The following UGT2B28 variants were observed in gnomAD, a reference collection of about 807,000 sequenced individuals.
The protein encoded by UGT2B28 is UDP glucuronosyltransferase family 2 member B28.
Under a neutral mutation model 43.6 loss-of-function variants are expected in UGT2B28, and 45 were observed. That is an observed-to-expected ratio of 1.03 (90% CI 0.81 to 1.32). The LOEUF is 1.32. Among genes scored for constraint, UGT2B28 ranks in the 40% most tolerant of loss-of-function variants. UGT2B28 has a pLI of 0.00. For synonymous variants in UGT2B28, 204 were observed against 208.1 expected (o/e 0.98, Z 0.17); for missense variants, 649 against 625.5 (o/e 1.04, Z -0.40).
At chr4:69,289,828 G>T in intron 4 of UGT2B28, 76 bp downstream of exon 4, 2 of 1,339,222 alleles carry the variant, frequency 1.5e-6, no homozygotes, top group Non-Finnish European at 2.0e-6. Context: ...CTTGAAACAT[G>T]CTTATTGAAT....
At chr4:69,289,577 G>T in intron 3 of UGT2B28, 88 bp from the exon 4 acceptor site, 1 of 1,196,404 alleles carries the variant, frequency 8.4e-7, no homozygotes, top group South Asian at 1.7e-5. Context: ...AACATCCCTT[G>T]ATCTCATTCC....
intron 5 of UGT2B28, among the ~76,000 whole-genome samples, chr4:69,291,741 G>GTCT: frequency 7.2e-6 from 1 of 138,924 alleles, no homozygotes; most frequent in Admixed American, 7.2e-5. Flanking sequence ...GGTTGATGCA[G>GTCT]AAGTGGAATT....
At chr4:69,282,802 A>G in intron 2 of UGT2B28, 140 bp downstream of exon 2, 3 of 1,265,754 alleles carry the variant, frequency 2.4e-6, no homozygotes, top group East Asian at 5.3e-5. Context: ...CCAAATAGAA[A>G]CTCATGTATA....
intron 5 of UGT2B28, 99 bp from the exon 6 acceptor site, chr4:69,294,431 C>T: frequency 8.5e-7 from 1 of 1,181,790 alleles, no homozygotes; most frequent in South Asian, 2.7e-5. Context: ...TTCAAATTTA[C>T]TTTGAATTAT....
Position 69,281,226 on chromosome 4 carries a change from G to C in UGT2B28, c.721+5G>C, listed in dbSNP as rs1291782033. On this transcript the variant is annotated splice_donor_5th_base_variant and intron_variant, in intron 1 of 5. Transcript: ENST00000335568. ...AGTTTTACAGTGAAGTTTTAGGTAA[G>C]AATTTGTTTAATCGGGAACTTGAAG... 7 of 1,489,014 alleles carry C rather than the reference G, an allele frequency of 4.7e-6. 2 individuals carry two copies. The South Asian group carries it at 1.0e-4, about 22-fold the overall frequency. 92.2% of individuals were successfully genotyped at this position (1,489,014 alleles called of 1,614,324 possible).
chr4:69,287,053 A>G lies in UGT2B28; in HGVS notation c.1002+170A>G, dbSNP rs903743684. On this transcript the variant is annotated intron_variant, in intron 3 of 5. Coordinates refer to ENST00000335568, the MANE Select transcript of UGT2B28 (RefSeq NM_053039.2). ...CAAGTCATAGTTGTGCCTCAGACTT[A>G]GTGGTTACATGTGGCCCTGGGGGTG... 2.9e-5 allele frequency among the ~76,000 whole-genome samples: 4 copies of G among 138,092 alleles called. 2 individuals are homozygous for G. Among genetic ancestry groups the G allele is most frequent in the African/African-American group, 1.1e-4 (4 of 35,064 alleles). 90.6% of individuals were successfully genotyped at this position (138,092 alleles called of 152,430 possible).
intron 4 of UGT2B28, 141 bp from the exon 5 acceptor site, chr4:69,290,451 T>C: frequency 8.9e-7 from 1 of 1,121,534 alleles, no homozygotes; most frequent in Non-Finnish European, 1.2e-6. Flanking sequence ...AACAAGTACG[T>C]GTTTATTCCT....
At position 69,281,098 on chromosome 4, in the gene UGT2B28, A is replaced by G; in HGVS notation, c.598A>G (p.Lys200Glu). ...TTCCTACATACCTGTTGTTATGTCAAAATTAAGTGATCAAATGACTTTCAT... is the reference window on the plus strand; with the variant it reads ...TTCCTACATACCTGTTGTTATGTCAGAATTAAGTGATCAAATGACTTTCAT... ...PPSYIPVVMS[K>E]LSDQMTFMER... Residue 200 changes from lysine to glutamate, a missense_variant, in exon 1 of 6, where the codon AAA becomes GAA. Physicochemically the swap from Lys to Glu is moderately conservative, Grantham distance 56. Transcript: ENST00000335568. 2 of 1,559,688 alleles carry G rather than the reference A, an allele frequency of 1.3e-6. 1 individual carries two copies. Among genetic ancestry groups the G allele is most frequent in the Non-Finnish European group, 1.7e-6 (2 of 1,155,414 alleles).
At position 69,283,397 on chromosome 4, in the gene UGT2B28, A is replaced by T. The variant is rs1723678083; in HGVS notation, c.870+735A>T. On this transcript the variant is annotated intron_variant, in intron 2 of 5. Coordinates refer to ENST00000335568, the MANE Select transcript of UGT2B28 (RefSeq NM_053039.2). The stretch of plus-strand genomic sequence containing the variant: ...AAACTACTAAAAAGAGTTAAGAAAT[A>T]AATATATATGAAACGATTCTCTTTT... 2.8e-5 allele frequency among the ~76,000 whole-genome samples: 4 copies of T among 140,362 alleles called. 2 individuals carry two copies. Among genetic ancestry groups the T allele is most frequent in the Middle Eastern group, 6.8e-3 (2 of 294 alleles). The allele number at this position is 140,362 out of a possible 152,430, so 92.1% of individuals were successfully genotyped here. A position where few individuals can be genotyped will look rare whatever the true frequency, so the allele number is the denominator to read the frequency against.
intron 2 of UGT2B28, 38 bp downstream of exon 2, chr4:69,282,700 G>T: frequency 6.5e-7 from 1 of 1,532,488 alleles, no homozygotes; most frequent in East Asian, 2.3e-5. Flanking sequence ...TGTTGGCTTC[G>T]AAGTTTCAGT....
intron 3 of UGT2B28, among the ~76,000 whole-genome samples, chr4:69,288,766 C>G (rs1413031473): frequency 7.2e-6 from 1 of 139,050 alleles, no homozygotes; most frequent in Admixed American, 7.2e-5. Context: ...TCCTATACAT[C>G]TCAGTGTATG....
In UGT2B28 at chr4:69,289,768, A is replaced by G. The variant is rs1723892861; in HGVS notation, c.1090+16A>G. Reference sequence around the variant, plus strand: ...GACCTTCTAGGTAACACTCTGGTGAACAAATACTGGATATATTAGTAACTG... The same window carrying G: ...GACCTTCTAGGTAACACTCTGGTGAGCAAATACTGGATATATTAGTAACTG... On this transcript the variant is annotated intron_variant, in intron 4 of 5. Coordinates refer to ENST00000335568, the MANE Select transcript of UGT2B28 (RefSeq NM_053039.2). The G allele has an allele frequency of 2.0e-6, 3 of 1,521,500 alleles. No individual in the cohort carries two copies. The East Asian group carries it at 7.0e-5, about 35-fold the overall frequency. 94.2% of individuals were successfully genotyped at this position (1,521,500 alleles called of 1,614,324 possible). A position where few individuals can be genotyped will look rare whatever the true frequency, so the allele number is the denominator to read the frequency against.
rs543263615 is a variant in UGT2B28, at chr4:69,292,409, T to C, written c.1310+1598T>C. Among the ~76,000 whole-genome samples the C allele has an allele frequency of 5.7e-5, 8 of 140,404 alleles. 1 individual carries two copies. Among genetic ancestry groups the C allele is most frequent in the East Asian group, 2.0e-4 (1 of 4,914 alleles). The allele number at this position is 140,404 out of a possible 152,430, so 92.1% of individuals were successfully genotyped here. On this transcript the variant is annotated intron_variant, in intron 5 of 5. Coordinates refer to ENST00000335568, the MANE Select transcript of UGT2B28 (RefSeq NM_053039.2). Reference sequence around the variant, plus strand: ...AGAAGGATAATGAATGATCAATATATGTTTAAAGAAGATGGGAAATAATTG... The same window carrying C: ...AGAAGGATAATGAATGATCAATATACGTTTAAAGAAGATGGGAAATAATTG...
Position 69,280,488 on chromosome 4 carries a change from G to A in UGT2B28, c.-13G>A, listed in dbSNP as rs1723559832. ...AAACAGTGACTTGAAAAGAATGATT[G>A]CATTGCACCAGGATGGCTCTGAAGT... is the stretch of plus-strand genomic sequence containing the variant. On this transcript the variant is annotated 5_prime_UTR_variant, in exon 1 of 6. Transcript: ENST00000335568. The A allele has an allele frequency of 9.7e-6, 15 of 1,544,000 alleles. 1 individual carries two copies. The highest frequency in any genetic ancestry group is 1.2e-5 in the Non-Finnish European group (14 of 1,149,450).
At chr4:69,287,377 G>T (rs1429722080) in intron 3 of UGT2B28, among the ~76,000 whole-genome samples, 1 of 140,476 alleles carries the variant, frequency 7.1e-6, no homozygotes, top group African/African-American at 2.8e-5. Context: ...CCTAATCTCA[G>T]CAGTATCTAA....
chr4:69,293,733 A>G (rs1724021491), intron 5 of UGT2B28, among the ~76,000 whole-genome samples: 1 of 140,390 alleles, frequency 7.1e-6, no homozygotes. Context: ...GTGCAGGGGA[A>G]AAGTGTTAGA....
At chr4:69,286,248 C>T (rs1723771143) in intron 2 of UGT2B28, among the ~76,000 whole-genome samples, 1 of 141,252 alleles carries the variant, frequency 7.1e-6, no homozygotes, top group African/African-American at 2.8e-5. Context: ...AAAATTATCC[C>T]AACTGTGAAT....
At position 69,289,658 on chromosome 4, in the gene UGT2B28, G is replaced by GTAAC; in HGVS notation, c.1003-6_1003-3dup. On this transcript the variant is annotated splice_polypyrimidine_tract_variant and splice_region_variant and intron_variant, in intron 3 of 5. Coordinates refer to ENST00000335568, the MANE Select transcript of UGT2B28 (RefSeq NM_053039.2). ...CATGGAATAAGATATTCTCTTTACT[G>GTAAC]TAACAGGTTCTGTGGAGATTTGATG... 6.5e-7 allele frequency: 1 copy of GTAAC among 1,543,446 alleles called. No homozygotes were observed. Among genetic ancestry groups the GTAAC allele is most frequent in the South Asian group, 1.2e-5 (1 of 82,008 alleles).
In UGT2B28 at chr4:69,294,559, T is replaced by A; in HGVS notation, c.1340T>A (p.Ile447Lys). ...SYKENVMKLS[I>K]IQHDQPVKPL... ...AAAGAGAATGTTATGAAATTATCAA[T>A]AATTCAACATGATCAACCAGTAAAG... Residue 447 changes from isoleucine to lysine, a missense_variant, in exon 6 of 6, where the codon ATA (isoleucine) becomes AAA (lysine). Physicochemically the swap from Ile to Lys is moderately radical, Grantham distance 102. Transcript: ENST00000335568. 1.3e-6 allele frequency: 2 copies of A among 1,541,746 alleles called. 1 individual carries two copies. The highest frequency in any genetic ancestry group is 1.7e-6 in the Non-Finnish European group (2 of 1,147,976).
Sources: allele counts gnomAD v4.1 joint callset (sites outside exome capture counted in the v4.1 genomes callset), GRCh38; gene constraint gnomAD v4.1.1; transcripts MANE v1.5; gene names NCBI Gene and HGNC (gene_info 2026-07-23, HGNC 2026-07-21).